PER3: variants seen among roughly 807,000 people sequenced by gnomAD.
PER3 encodes the protein period circadian protein homolog 3.
A neutral mutation model predicts 127.2 loss-of-function variants in PER3; 107 were observed. The observed-to-expected ratio is 0.84, with a 90% CI of 0.72 to 0.99. The LOEUF is 0.99. PER3 is among the 50% of genes least tolerant of loss of function. PER3 has a pLI of 0.00. For synonymous variants in PER3, 618 were observed against 585.8 expected, an observed-to-expected ratio of 1.05 and a Z score of -0.79; for missense variants, 1,560 against 1,525.8, an observed-to-expected ratio of 1.02 and a Z score of -0.37.
At position 7,803,838 on chromosome 1, in the gene PER3, A is replaced by G. The variant is rs781226803; in HGVS notation, c.1126A>G (p.Lys376Glu). ...GATTTCTTTCATCATTGGTCGGCAT[A>G]AAGTTCGAACGTAAGCCAGTCAGTT... ...RKISFIIGRH[K>E]VRTSPLNEDV... Residue 376 changes from lysine (K) to glutamate (E), a missense_variant, in exon 10 of 22, where the codon AAA becomes GAA. Physicochemically the swap from Lys to Glu is moderately conservative, Grantham distance 56. This residue lies in a region of PER3 where 1,332 missense variants were observed against 1,223.6 expected (regional missense o/e 1.09). Coordinates refer to ENST00000377532, the MANE Select transcript of PER3 (RefSeq NM_001377275.1). 2 of 1,613,144 alleles carry G rather than the reference A, an allele frequency of 1.2e-6. No individual in the cohort carries two copies. The highest frequency in any genetic ancestry group is 1.7e-6 in the Non-Finnish European group (2 of 1,179,532).
intron 7 of PER3, among the ~76,000 whole-genome samples, chr1:7,800,586 T>G (rs915350543): frequency 6.6e-6 from 1 of 152,104 alleles, no homozygotes; most frequent in African/African-American, 2.4e-5. Context: ...TAAATAACAT[T>G]TGTAGTATTT....
At chr1:7,829,606 A>C (rs1055456634) in intron 18 of PER3, among the ~76,000 whole-genome samples, 3 of 152,212 alleles carry the variant, frequency 2.0e-5, no homozygotes, top group African/African-American at 7.2e-5. Context: ...GATTCCTATC[A>C]CAGGCTGGAA....
chr1:7,832,916 G>A (rs2097339958), intron 19 of PER3, among the ~76,000 whole-genome samples: 1 of 148,324 alleles, frequency 6.7e-6, no homozygotes, highest in South Asian at 2.1e-4. Context: ...CCAGCTCACT[G>A]CACCCTCAAA....
chr1:7,829,924 CA>C lies in PER3; in HGVS notation c.2978del (p.His993LeufsTer14). The C allele has an allele frequency of 7.7e-7, 1 of 1,296,792 alleles. No individual in the cohort carries two copies. Among genetic ancestry groups the C allele is most frequent in the Non-Finnish European group, 9.9e-7 (1 of 1,006,980 alleles). The allele number at this position is 1,296,792 out of a possible 1,614,324, so 80.3% of individuals were successfully genotyped here. A position where few individuals can be genotyped will look rare whatever the true frequency, so the allele number is the denominator to read the frequency against. On this transcript the variant is annotated frameshift_variant, in exon 19 of 22. Transcript: ENST00000377532. LOFTEE classifies it high-confidence loss of function. ...GTCACCTCCCAGGGAGAATCCATCC[CA>C]TCCTACTGCCAGCGCTCTGTCCACA... ...TGSPPRENPS[H>X]PTASALSTGS...
chr1:7,822,723 A>G (rs1485276218), intron 16 of PER3, among the ~76,000 whole-genome samples: 2 of 152,226 alleles, frequency 1.3e-5, no homozygotes, highest in Non-Finnish European at 2.9e-5. Context: ...GCATGCAGCT[A>G]TGTCAATAAT....
rs34433622 is a variant in PER3, at chr1:7,801,093, C to CT, written c.794-17dup. On this transcript the variant is annotated intron_variant, in intron 7 of 21. Coordinates refer to ENST00000377532, the MANE Select transcript of PER3 (RefSeq NM_001377275.1). Reference sequence around the variant, plus strand: ...ATTAGATATTTGCCTTTAAATGGGTCTTTGTTTTTTTTTCCTTAGCTCCTC... The same window carrying CT: ...ATTAGATATTTGCCTTTAAATGGGTCTTTTGTTTTTTTTTCCTTAGCTCCTC... 854,867 of 1,509,442 alleles carry CT rather than the reference C, an allele frequency of 0.57. 249,033 individuals carry two copies. The highest frequency in any genetic ancestry group is 0.65 in the Middle Eastern group (3,757 of 5,782). The allele number at this position is 1,509,442 out of a possible 1,614,324, so 93.5% of individuals were successfully genotyped here. A position where few individuals can be genotyped will look rare whatever the true frequency, so the allele number is the denominator to read the frequency against.
intron 7 of PER3, among the ~76,000 whole-genome samples, chr1:7,799,375 C>T (rs2097159796): frequency 1.3e-5 from 2 of 151,986 alleles, no homozygotes; most frequent in African/African-American, 2.4e-5. Flanking sequence ...GAGGCCGAGG[C>T]GGGTGGATCA....
intron 3 of PER3, among the ~76,000 whole-genome samples, chr1:7,786,244 G>C (rs1165493808): frequency 6.6e-6 from 1 of 152,186 alleles, no homozygotes; most frequent in African/African-American, 2.4e-5. Flanking sequence ...GACAGAGCGA[G>C]ACTCTGTCTC....
chr1:7,814,915 C>T (rs228674), intron 13 of PER3, among the ~76,000 whole-genome samples: 11,589 of 152,022 alleles, frequency 0.076, 536 homozygotes, highest in Middle Eastern at 0.13. Flanking sequence ...GAAAACAATT[C>T]GAAAATATTT....
Position 7,826,707 on chromosome 1 carries a change from C to G in PER3, c.2185C>G (p.Gln729Glu). 6.4e-7 allele frequency: 1 copy of G among 1,570,562 alleles called. No individual in the cohort carries two copies. The highest frequency in any genetic ancestry group is 1.1e-5 in the South Asian group (1 of 90,098). ...GAGCAAAGCTAAATATTCATATTTT[C>G]AAGGTACGTAATTTTTTAAAAATAA... ...SRSKAKYSYF[Q>E]GDSTSKQTRS... The change falls in exon 17 of 22, where the codon CAA becomes GAA. Residue 729 changes from glutamine (Q) to glutamate (E), a missense_variant. By Grantham distance (29) the Gln-to-Glu change is conservative. Transcript: ENST00000377532. This position sits in a 1 kb window ranked among gnomAD's most constrained non-coding sequence, Gnocchi z 4.2.
chr1:7,794,663 T>C (rs2097137029), intron 6 of PER3, among the ~76,000 whole-genome samples: 1 of 152,112 alleles, frequency 6.6e-6, no homozygotes, highest in Non-Finnish European at 1.5e-5. Flanking sequence ...AAATTAATTT[T>C]TGAAATTTTT....
intron 6 of PER3, among the ~76,000 whole-genome samples, chr1:7,797,499 G>A (rs1318897832): frequency 6.6e-6 from 1 of 152,112 alleles, no homozygotes; most frequent in Non-Finnish European, 1.5e-5. Flanking sequence ...TCTGGGCGTG[G>A]TGGCACGCAC....
At chr1:7,819,230 G>T (rs1173632716) in intron 13 of PER3, 55 bp from the exon 14 acceptor site, 3 of 1,504,138 alleles carry the variant, frequency 2.0e-6, no homozygotes, top group Admixed American at 1.8e-5. Flanking sequence ...GAAAGTATAT[G>T]TTCTTAATTA....
intron 19 of PER3, among the ~76,000 whole-genome samples, chr1:7,833,098 A>G (rs1482773158): frequency 2.0e-5 from 3 of 152,038 alleles, no homozygotes; most frequent in Non-Finnish European, 4.4e-5. Flanking sequence ...GATTTTTTTT[A>G]GATATTTTTA....
At chr1:7,830,510 GTTTTGCTTTTCCTATGA>G (rs2151193985) in intron 19 of PER3, among the ~76,000 whole-genome samples, 1 of 152,278 alleles carries the variant, frequency 6.6e-6, no homozygotes, top group East Asian at 1.9e-4. Context: ...TGTCACTTTA[GTTTTGCTTTTCCTATGA>G]TTTATGTATA....
At position 7,784,729 on chromosome 1, in the gene PER3, A is replaced by AC. The variant is rs1239002595; in HGVS notation, c.-144dup. 5 of 733,334 alleles carry AC rather than the reference A, an allele frequency of 6.8e-6. No individual in the cohort carries two copies. Among genetic ancestry groups the AC allele is most frequent in the Non-Finnish European group, 1.0e-5 (5 of 501,448 alleles). 45.4% of individuals were successfully genotyped at this position (733,334 alleles called of 1,614,324 possible). A position where few individuals can be genotyped will look rare whatever the true frequency, so the allele number is the denominator to read the frequency against. ...GAAAAGCTCCTCGGAGATGAGCGTG[A>AC]CCCCCTGGCTCGTGGTGGCCGCCTG... On this transcript the variant is annotated 5_prime_UTR_variant, in exon 2 of 22. An upstream open reading frame in the 5' UTR loses its in-frame stop. Transcript: ENST00000377532.
chr1:7,798,754 A>T, intron 7 of PER3, 81 bp downstream of exon 7: 2 of 1,174,714 alleles, frequency 1.7e-6, no homozygotes. Flanking sequence ...TCATAGAACA[A>T]CAAAAAGAGC....
At position 7,804,978 on chromosome 1, in the gene PER3, C is replaced by A. The variant is rs2097186888; in HGVS notation, c.1136+1130C>A. Among the ~76,000 whole-genome samples the A allele has an allele frequency of 1.3e-5, 2 of 151,794 alleles. 1 individual carries two copies. Among genetic ancestry groups the A allele is most frequent in the South Asian group, 4.1e-4 (2 of 4,820 alleles). On this transcript the variant is annotated intron_variant, in intron 10 of 21. Transcript: ENST00000377532. ...CCGCCTCCTGGGTTCAAACGTTTCTCCTGCCTCAGCCTCTCCAGTAGCTGG... is the reference window on the plus strand; with the variant it reads ...CCGCCTCCTGGGTTCAAACGTTTCTACTGCCTCAGCCTCTCCAGTAGCTGG...
chr1:7,789,144 T>C (rs1380646009), intron 5 of PER3, among the ~76,000 whole-genome samples: 1 of 132,758 alleles, frequency 7.5e-6, no homozygotes, highest in Non-Finnish European at 1.7e-5. Flanking sequence ...CTTTAAAATA[T>C]ATATATATAT....
Sources: gnomAD v4.1 joint callset for allele counts (sites outside exome capture counted in the v4.1 genomes callset) on GRCh38, gnomAD v4.1.1 for gene constraint, gnomAD v4.1.1 regional missense constraint, Gnocchi (gnomAD v3.1) non-coding constraint, MANE v1.5 for transcripts, NCBI Gene and HGNC (gene_info 2026-07-23, HGNC 2026-07-21) for gene names.